GALNT13: variants seen among roughly 807,000 people sequenced by gnomAD.
The protein encoded by GALNT13 is UDP-GalNAc:polypeptide N-acetylgalactosaminyltransferase 13.
A neutral mutation model predicts 64.2 loss-of-function variants in GALNT13; 28 were observed. The ratio of observed to expected loss-of-function variants is 0.44; its 90% CI spans 0.32 to 0.60. GALNT13 has a LOEUF of 0.60. Among genes scored for constraint, GALNT13 ranks in the 20% least tolerant of loss-of-function variants. GALNT13 has a pLI of 0.05. For synonymous variants in GALNT13, 214 were observed against 224.6 expected (o/e 0.95, Z 0.42); for missense variants, 577 against 669.8 (o/e 0.86, Z 1.53).
chr2:153,990,012 AT>A (rs1219350781), intron 3 of GALNT13, among the ~76,000 whole-genome samples: 1 of 152,084 alleles, frequency 6.6e-6, no homozygotes, highest in Non-Finnish European at 1.5e-5. Flanking sequence ...TATCGAAGTA[AT>A]TTTTCTTATC....
At chr2:153,079,833 G>A in the GALNT13 span, among the ~76,000 whole-genome samples, 1 of 152,190 alleles carries the variant, frequency 6.6e-6, no homozygotes, top group Non-Finnish European at 1.5e-5. Flanking sequence ...TAGTTGGTTT[G>A]TGTTTAAAGG....
chr2:153,650,442 T>C, the GALNT13 span, among the ~76,000 whole-genome samples: 1 of 152,234 alleles, frequency 6.6e-6, no homozygotes, highest in Admixed American at 6.5e-5. Flanking sequence ...TGTCTTTTAA[T>C]TGGAGCATTT....
chr2:153,292,206 C>A, the GALNT13 span, among the ~76,000 whole-genome samples: 2 of 152,012 alleles, frequency 1.3e-5, no homozygotes, highest in Non-Finnish European at 2.9e-5. Flanking sequence ...TGTTTCACCA[C>A]CAAGGTTCTC....
At chr2:153,543,696 C>T in the GALNT13 span, among the ~76,000 whole-genome samples, 5 of 151,814 alleles carry the variant, frequency 3.3e-5, no homozygotes, top group Admixed American at 3.3e-4. Flanking sequence ...TCTGGGAAAA[C>T]AAAATTGTCA....
chr2:153,872,922 A>G lies in GALNT13; in HGVS notation c.-177+619A>G, dbSNP rs1170904662. On this transcript the variant is annotated intron_variant, in intron 1 of 12. Coordinates refer to ENST00000392825, the MANE Select transcript of GALNT13 (RefSeq NM_052917.4). ...TTCTGAGCCTTGGTCCCCTCAGTCC[A>G]CACTCTCCGGCCATGTATCTGTTTT... 7.9e-5 allele frequency among the ~76,000 whole-genome samples: 12 copies of G among 151,544 alleles called. 1 individual carries two copies. The highest frequency in any genetic ancestry group is 7.9e-4 in the Admixed American group (12 of 15,230).
At chr2:153,436,943 G>A in the GALNT13 span, among the ~76,000 whole-genome samples, 1 of 152,012 alleles carries the variant, frequency 6.6e-6, no homozygotes, top group Non-Finnish European at 1.5e-5. Flanking sequence ...GATCTTTCCT[G>A]CTTTCTCTTG....
chr2:154,092,075 G>GAA (rs58406719), intron 3 of GALNT13, among the ~76,000 whole-genome samples: 22 of 74,508 alleles, frequency 3.0e-4, no homozygotes, highest in African/African-American at 5.1e-4. Flanking sequence ...TTCATGTCTG[G>GAA]AAAAAAAAAA....
At chr2:153,508,126 G>A in the GALNT13 span, among the ~76,000 whole-genome samples, 1 of 152,296 alleles carries the variant, frequency 6.6e-6, no homozygotes, top group South Asian at 2.1e-4. Context: ...TTTGCTTAGT[G>A]TACTGATTTT....
At chr2:153,393,991 C>G in the GALNT13 span, among the ~76,000 whole-genome samples, 16 of 30,998 alleles carry the variant, frequency 5.2e-4, no homozygotes, top group Admixed American at 2.5e-4. Flanking sequence ...CACACACACA[C>G]CCCCTATTGG....
At chr2:153,774,644 A>G in the GALNT13 span, among the ~76,000 whole-genome samples, 4 of 152,140 alleles carry the variant, frequency 2.6e-5, no homozygotes, top group African/African-American at 9.7e-5. Context: ...ACCTGTAATC[A>G]TAGAAGTTTG....
At chr2:154,163,300 C>T (rs1452577303) in intron 4 of GALNT13, among the ~76,000 whole-genome samples, 1 of 151,768 alleles carries the variant, frequency 6.6e-6, no homozygotes, top group Non-Finnish European at 1.5e-5. Flanking sequence ...ATCAATGAAT[C>T]CAGGAGCTGG....
chr2:154,045,983 G>T (rs920755294), intron 3 of GALNT13, among the ~76,000 whole-genome samples: 1 of 149,078 alleles, frequency 6.7e-6, no homozygotes, highest in Non-Finnish European at 1.5e-5. Flanking sequence ...TTTTTTTTCC[G>T]ATCTAGTGGA....
the GALNT13 span, among the ~76,000 whole-genome samples, chr2:153,729,100 G>A: frequency 2.0e-5 from 3 of 152,134 alleles, no homozygotes; most frequent in Non-Finnish European, 2.9e-5. Flanking sequence ...ACTGTTCTCC[G>A]CAATAGAAAA....
rs57789546 is a variant in GALNT13 at position 154,208,624 on chromosome 2, CTGTGTGTGTGTGTGTGTGTGTG to C, written c.312-33382_312-33361del. On this transcript the variant is annotated intron_variant, in intron 4 of 12. Coordinates refer to ENST00000392825, the MANE Select transcript of GALNT13 (RefSeq NM_052917.4). ...CTTATTTTAATCACGTTTTGCGTGT[CTGTGTGTGTGTGTGTGTGTGTG>C]TGTGTGTGTGTGTGTGTGTGTGTAG... 1.4e-3 allele frequency among the ~76,000 whole-genome samples: 191 copies of C among 140,454 alleles called. 1 individual carries two copies. The highest frequency in any genetic ancestry group is 4.7e-3 in the African/African-American group (176 of 37,452). The allele number at this position is 140,454 out of a possible 152,430, so 92.1% of individuals were successfully genotyped here.
At chr2:153,729,233 T>C in the GALNT13 span, among the ~76,000 whole-genome samples, 3 of 152,148 alleles carry the variant, frequency 2.0e-5, no homozygotes, top group African/African-American at 4.8e-5. Context: ...AAACCCTTTT[T>C]CCATTGGATT....
the GALNT13 span, among the ~76,000 whole-genome samples, chr2:153,426,349 C>T: frequency 6.6e-6 from 1 of 151,740 alleles, no homozygotes; most frequent in Admixed American, 6.6e-5. Context: ...CACTAATTTG[C>T]ACATATTTTT....
At chr2:154,431,320 A>G in intron 11 of GALNT13, among the ~76,000 whole-genome samples, 1 of 152,210 alleles carries the variant, frequency 6.6e-6, no homozygotes, top group East Asian at 1.9e-4. Context: ...TCATTAGCAC[A>G]GGCTCATGCT....
the GALNT13 span, among the ~76,000 whole-genome samples, chr2:153,639,238 G>A: frequency 1.3e-5 from 2 of 152,000 alleles, no homozygotes; most frequent in Admixed American, 6.6e-5. Context: ...TTAATTGTTC[G>A]ATATCTTGGT....
chr2:154,367,690 A>C (rs1697448161), intron 9 of GALNT13, among the ~76,000 whole-genome samples: 1 of 152,202 alleles, frequency 6.6e-6, no homozygotes, highest in Non-Finnish European at 1.5e-5. Flanking sequence ...TGACTATAAA[A>C]AGATCTAGAA....
Sources: gnomAD v4.1 joint callset for allele counts (sites outside exome capture counted in the v4.1 genomes callset) on GRCh38, gnomAD v4.1.1 for gene constraint, MANE v1.5 for transcripts, NCBI Gene and HGNC (gene_info 2026-07-23, HGNC 2026-07-21) for gene names.